The following TAF4 variants were observed in gnomAD, a reference collection of about 807,000 sequenced individuals.
TAF4 encodes the protein transcription initiation factor TFIID subunit 4.
In TAF4, 9 loss-of-function variants were observed where a neutral mutation model predicts 90.3. The ratio of observed to expected loss-of-function variants is 0.10; its 90% confidence interval spans 0.06 to 0.17. The LOEUF is 0.17. Ranked by LOEUF, TAF4 falls within the 10% of genes least tolerant of loss-of-function variation. TAF4 has a pLI of 1.00. For synonymous variants in TAF4, 818 were observed against 638.9 expected, an observed-to-expected ratio of 1.28 and a Z score of -4.23; for missense variants, 1,351 against 1,370.7, an observed-to-expected ratio of 0.99 and a Z score of 0.23.
intron 14 of TAF4, among the ~76,000 whole-genome samples, chr20:61,996,736 T>C (rs922004244): frequency 2.7e-5 from 4 of 149,554 alleles, no homozygotes; most frequent in Admixed American, 2.0e-4. Flanking sequence ...CAGGCGGAGG[T>C]TGCAGTGAGC....
Position 62,065,859 on chromosome 20 carries a change from T to G in TAF4, c.-49A>C. ...CGCCGCCGCTCGGGCCGAGCGCGCC[T>G]GGGCGAGGAGGAGGTTCCGACTGGG... On this transcript the variant is annotated 5_prime_UTR_variant, in exon 1 of 15. Transcript: ENST00000252996. The G allele has an allele frequency of 8.4e-7, 1 of 1,193,034 alleles. No homozygotes were observed. The highest frequency in any genetic ancestry group is 1.5e-5 in the South Asian group (1 of 66,442). The allele number at this position is 1,193,034 out of a possible 1,614,324, so 73.9% of individuals were successfully genotyped here.
intron 1 of TAF4, among the ~76,000 whole-genome samples, chr20:62,016,198 G>A (rs558041721): frequency 1.1e-4 from 17 of 152,344 alleles, no homozygotes; most frequent in Admixed American, 3.9e-4. Context: ...AAGCACACTC[G>A]GCGCCTGGGG....
At chr20:62,001,173 T>C (rs1246826606) in intron 9 of TAF4, among the ~76,000 whole-genome samples, 1 of 152,228 alleles carries the variant, frequency 6.6e-6, no homozygotes, top group African/African-American at 2.4e-5. Flanking sequence ...CGGAACATTC[T>C]GCACGTGTTT....
chr20:62,017,911 A>T (rs1568933376), intron 1 of TAF4, among the ~76,000 whole-genome samples: 1 of 152,250 alleles, frequency 6.6e-6, no homozygotes, highest in Non-Finnish European at 1.5e-5. Context: ...CAAAATAGCA[A>T]TGTGGTTAAA....
intron 1 of TAF4, among the ~76,000 whole-genome samples, chr20:62,032,813 C>A (rs1366045338): frequency 6.6e-6 from 1 of 152,158 alleles, no homozygotes; most frequent in East Asian, 1.9e-4. Context: ...CCAGCACACA[C>A]TGGGCACTGG....
chr20:62,001,817 G>C (rs967580739), intron 9 of TAF4, among the ~76,000 whole-genome samples: 1 of 132,996 alleles, frequency 7.5e-6, no homozygotes, highest in Non-Finnish European at 1.6e-5. Flanking sequence ...CGCTCATCTT[G>C]TATTTCCTTA....
In TAF4 at chr20:62,036,012, T is replaced by A. The variant is rs115916354; in HGVS notation, c.1361-21305A>T. 5.0e-3 allele frequency among the ~76,000 whole-genome samples: 759 copies of A among 151,590 alleles called. 5 individuals are homozygous for A. The highest frequency in any genetic ancestry group is 0.017 in the African/African-American group (722 of 41,278). ...TTTTCATTAAGGAATTAAAGGAAAT[T>A]AATCAAATTTCTTTTTTTTTTTAAA... On this transcript the variant is annotated intron_variant, in intron 1 of 14. Coordinates refer to ENST00000252996, the MANE Select transcript of TAF4 (RefSeq NM_003185.4).
chr20:62,060,939 A>C (rs1021524711), intron 1 of TAF4, among the ~76,000 whole-genome samples: 1 of 152,246 alleles, frequency 6.6e-6, no homozygotes, highest in Non-Finnish European at 1.5e-5. Context: ...GAGAGTTTGG[A>C]ATAGTGAGCG....
chr20:62,042,282 CCA>C (rs1205826551), intron 1 of TAF4, among the ~76,000 whole-genome samples: 7 of 152,156 alleles, frequency 4.6e-5, no homozygotes, highest in African/African-American at 1.7e-4. Flanking sequence ...CGGCTGAACT[CCA>C]GAGGAAGATC....
rs111458833 is a variant in TAF4 at position 62,007,830 on chromosome 20, T to C, written c.1885-194A>G. ...CAGGCGCTCACCCTGGACACTGCAGTGCAGCCAGCTGCGGACCACGTCTCC... is the reference window on the plus strand; with the variant it reads ...CAGGCGCTCACCCTGGACACTGCAGCGCAGCCAGCTGCGGACCACGTCTCC... On this transcript the variant is annotated intron_variant, in intron 5 of 14. Transcript: ENST00000252996. 15 of 514,870 alleles carry C rather than the reference T, an allele frequency of 2.9e-5. No individual in the cohort carries two copies. The South Asian group carries it at 3.0e-4, about 10-fold the overall frequency. The allele number at this position is 514,870 out of a possible 1,614,324, so 31.9% of individuals were successfully genotyped here. A position where few individuals can be genotyped will look rare whatever the true frequency, so the allele number is the denominator to read the frequency against.
intron 1 of TAF4, among the ~76,000 whole-genome samples, chr20:62,023,232 A>G (rs1244259540): frequency 3.5e-4 from 53 of 152,276 alleles, no homozygotes; most frequent in Admixed American, 3.5e-3. Context: ...ATTTGAGCCC[A>G]GGAGTTCGAG....
chr20:62,006,358 T>A lies in TAF4; in HGVS notation c.2223+152A>T. 9.5e-7 allele frequency: 1 copy of A among 1,056,162 alleles called. No homozygotes were observed. The highest frequency in any genetic ancestry group is 1.6e-5 in the African/African-American group (1 of 60,824). 65.4% of individuals were successfully genotyped at this position (1,056,162 alleles called of 1,614,324 possible). ...AGGGCCTCAACCTCTGGTTTCTATT[T>A]TAACTATTTAAGGTAATACCCAAGC... On this transcript the variant is annotated intron_variant, in intron 7 of 14. Coordinates refer to ENST00000252996, the MANE Select transcript of TAF4 (RefSeq NM_003185.4). The surrounding 1 kb of genome is among the most constrained non-coding windows in gnomAD (Gnocchi z 7.0).
intron 11 of TAF4, 77 bp from the exon 12 acceptor site, chr20:61,999,185 A>C: frequency 6.4e-7 from 1 of 1,559,656 alleles, no homozygotes; most frequent in African/African-American, 1.3e-5. Flanking sequence ...GCACCACTGG[A>C]CCATCCGTGC....
rs764896994 is a variant in TAF4, at chr20:61,997,578, T to C, written c.3062A>G (p.Asp1021Gly). 16 of 1,613,458 alleles carry C rather than the reference T, an allele frequency of 9.9e-6. No homozygotes were observed. The highest frequency in any genetic ancestry group is 1.4e-5 in the Non-Finnish European group (16 of 1,179,816). ...TGCTCCTGAGCCCGGCCCCGGACAG[T>C]CCACTTTCCTCTTTTTCCTGGGCCC... is the stretch of plus-strand genomic sequence containing the variant. Reference protein sequence around the residue: ...AIGPRKKRKVDCPGPGSGAEG... With the variant: ...AIGPRKKRKVGCPGPGSGAEG... The change falls in exon 14 of 15, where the codon GAC becomes GGC. Residue 1021 changes from aspartate to glycine, a missense_variant. This residue lies in a region of TAF4 where 48 missense variants were observed against 50.6 expected (regional missense o/e 0.95). Transcript: ENST00000252996.
chr20:62,022,910 T>C (rs1298045982), intron 1 of TAF4, among the ~76,000 whole-genome samples: 1 of 150,186 alleles, frequency 6.7e-6, no homozygotes, highest in East Asian at 2.0e-4. Context: ...TGAACTTTGA[T>C]TCATCCTCCC....
At position 62,064,697 on chromosome 20, in the gene TAF4, T is replaced by C; in HGVS notation, c.1114A>G (p.Ser372Gly). The C allele has an allele frequency of 1.6e-6, 2 of 1,251,172 alleles. No individual in the cohort carries two copies. The highest frequency in any genetic ancestry group is 2.0e-6 in the Non-Finnish European group (2 of 1,002,518). The allele number at this position is 1,251,172 out of a possible 1,614,324, so 77.5% of individuals were successfully genotyped here. Residue 372 changes from serine to glycine, a missense_variant, in exon 1 of 15, where the codon AGC becomes GGC. By Grantham distance (56) the Ser-to-Gly change is moderately conservative. Around this residue, in one of 9 missense-constraint regions of TAF4, gnomAD observed 782 missense variants for 536.6 expected, o/e 1.46. Coordinates refer to ENST00000252996, the MANE Select transcript of TAF4 (RefSeq NM_003185.4). ...AASGPASTAASMVIGPTMQGA... is the reference protein window; with the variant it reads ...AASGPASTAAGMVIGPTMQGA... The stretch of plus-strand genomic sequence containing the variant: ...TGCATAGTTGGCCCGATGACCATGC[T>C]GGCCGCCGTGCTGGCCGGGCCGCTG...
At position 61,976,333 on chromosome 20, in the gene TAF4, C is replaced by T. The variant is rs760744623; in HGVS notation, c.3093G>A (p.Gly1031=). 6.8e-6 allele frequency: 11 copies of T among 1,613,024 alleles called. No homozygotes were observed. The highest frequency in any genetic ancestry group is 1.3e-5 in the African/African-American group (1 of 74,906). ...DCPGPGSGAE[G]SGPGSVVPGS... Reference sequence around the variant, plus strand: ...CTGGGACCACTGAGCCGGGGCCCGACCCCTGGTGATGAAAAAGGAGAAGAC... The same window carrying T: ...CTGGGACCACTGAGCCGGGGCCCGATCCCTGGTGATGAAAAAGGAGAAGAC... The change falls in exon 15 of 15, where the codon GGG becomes GGA. Residue 1031 remains glycine (G), a splice_region_variant and synonymous_variant. Transcript: ENST00000252996.
chr20:61,976,619 G>C (rs776039081), intron 14 of TAF4, among the ~76,000 whole-genome samples: 13 of 152,352 alleles, frequency 8.5e-5, no homozygotes, highest in Non-Finnish European at 1.6e-4. Flanking sequence ...GATGGACTAG[G>C]GGGTGGCACC....
At chr20:62,036,336 T>C (rs548939685) in intron 1 of TAF4, among the ~76,000 whole-genome samples, 19 of 152,336 alleles carry the variant, frequency 1.2e-4, no homozygotes, top group African/African-American at 3.1e-4. Context: ...ATTAATTAAT[T>C]TTTAAGTGAA....
Sources: allele counts gnomAD v4.1 joint callset (sites outside exome capture counted in the v4.1 genomes callset), GRCh38; gene constraint gnomAD v4.1.1; regional missense constraint gnomAD v4.1.1; non-coding constraint Gnocchi (gnomAD v3.1); transcripts MANE v1.5; gene names NCBI Gene and HGNC (gene_info 2026-07-23, HGNC 2026-07-21).